THSD7B: variants seen among roughly 807,000 people sequenced by gnomAD.
THSD7B encodes thrombospondin type 1 domain containing 7B.
Under a neutral mutation model 213.6 loss-of-function variants are expected in THSD7B, and 138 were observed. That is an observed-to-expected ratio of 0.65 (90% CI 0.56 to 0.74). The LOEUF (loss-of-function observed/expected upper bound fraction) is 0.74. Ranked by LOEUF, THSD7B falls within the 30% of genes least tolerant of loss-of-function variation. THSD7B has a pLI of 0.00. For missense variants in THSD7B, 1,931 were observed against 1,991.5 expected (o/e 0.97, Z 0.58); for synonymous variants, 742 against 687.0 (o/e 1.08, Z -1.25).
intron 1 of THSD7B, among the ~76,000 whole-genome samples, chr2:136,770,088 G>A (rs1433553143): frequency 6.6e-6 from 1 of 152,208 alleles, no homozygotes; most frequent in Non-Finnish European, 1.5e-5. Flanking sequence ...CTAGTGTTAT[G>A]TTAGCGAACA....
chr2:137,319,591 T>C (rs983780832), intron 12 of THSD7B, among the ~76,000 whole-genome samples: 3 of 152,236 alleles, frequency 2.0e-5, no homozygotes, highest in African/African-American at 4.8e-5. Context: ...TTTTATGAAG[T>C]GCAAAGCACT....
intron 2 of THSD7B, among the ~76,000 whole-genome samples, chr2:136,943,312 G>C (rs1364815814): frequency 6.6e-6 from 1 of 152,186 alleles, no homozygotes. Flanking sequence ...TTGCATCAAT[G>C]TTCATCAGGG....
intron 12 of THSD7B, among the ~76,000 whole-genome samples, chr2:137,360,996 T>G (rs751156912): frequency 1.3e-5 from 2 of 152,054 alleles, no homozygotes; most frequent in Non-Finnish European, 2.9e-5. Context: ...CCCTCTAAGA[T>G]GAAGTTTCCA....
chr2:137,525,311 C>A (rs78725793), intron 15 of THSD7B, among the ~76,000 whole-genome samples: 4,237 of 152,254 alleles, frequency 0.028, 74 homozygotes, highest in Non-Finnish European at 0.045. Flanking sequence ...CTTAGAATCC[C>A]AAGGGAGAAT....
At chr2:136,904,812 A>AGAG (rs1553456920) in intron 2 of THSD7B, among the ~76,000 whole-genome samples, 2 of 151,950 alleles carry the variant, frequency 1.3e-5, no homozygotes, top group South Asian at 2.1e-4. Context: ...AGAATAAAAA[A>AGAG]AGAGAGAGAA....
chr2:137,340,632 G>C (rs1369419515), intron 12 of THSD7B, among the ~76,000 whole-genome samples: 2 of 151,656 alleles, frequency 1.3e-5, no homozygotes, highest in African/African-American at 4.8e-5. Context: ...CTGTTTCTAT[G>C]GGTTCAATTG....
At position 137,572,515 on chromosome 2, in the gene THSD7B, T is replaced by C; in HGVS notation, c.3382T>C (p.Cys1128Arg). ...QSCSLMCPNE[C>R]VMSEWGLWSK... Reference sequence around the variant, plus strand: ...CTGTTCTCTTATGTGTCCCAATGAGTGTGTCATGTCTGAGTGGGGACTTTG... The same window carrying C: ...CTGTTCTCTTATGTGTCCCAATGAGCGTGTCATGTCTGAGTGGGGACTTTG... The change falls in exon 17 of 28, where the codon TGT becomes CGT. Residue 1128 changes from cysteine to arginine, a missense_variant. By Grantham distance (180) the Cys-to-Arg change is radical. Transcript: ENST00000409968. The C allele has an allele frequency of 6.2e-7, 1 of 1,613,830 alleles. No individual in the cohort carries two copies. The highest frequency in any genetic ancestry group is 1.3e-5 in the African/African-American group (1 of 74,988).
rs1044189228 is a variant in THSD7B, at chr2:137,418,675, A to C, written c.2959+6803A>C. The stretch of plus-strand genomic sequence containing the variant: ...AAGTATATATTTGTACCCGTTAATC[A>C]ACCTCTCTTCATCCCTCCTATTTTT... On this transcript the variant is annotated intron_variant, in intron 14 of 27. Coordinates refer to ENST00000409968, the MANE Select transcript of THSD7B (RefSeq NM_001316349.2). Among the ~76,000 whole-genome samples the C allele has an allele frequency of 2.6e-5, 4 of 151,668 alleles. No individual in the cohort carries two copies. The East Asian group carries it at 7.7e-4, about 29-fold the overall frequency.
chr2:136,938,266 A>T (rs950579132), intron 2 of THSD7B, among the ~76,000 whole-genome samples: 2 of 152,158 alleles, frequency 1.3e-5, no homozygotes, highest in African/African-American at 4.8e-5. Context: ...AAGGACAGAA[A>T]ATGAGCCTTG....
chr2:137,352,473 T>C (rs1485974167), intron 12 of THSD7B, among the ~76,000 whole-genome samples: 2 of 151,964 alleles, frequency 1.3e-5, no homozygotes, highest in Non-Finnish European at 2.9e-5. Flanking sequence ...AGTTGGCTCG[T>C]GGGTTAAGCC....
chr2:137,460,470 T>A (rs1381359501), intron 15 of THSD7B, among the ~76,000 whole-genome samples: 1 of 152,148 alleles, frequency 6.6e-6, no homozygotes, highest in Admixed American at 6.6e-5. Flanking sequence ...TTATGCAGAT[T>A]GCTCCTCTTT....
At chr2:137,402,733 A>C (rs1009880428) in intron 12 of THSD7B, among the ~76,000 whole-genome samples, 1 of 150,434 alleles carries the variant, frequency 6.6e-6, no homozygotes, top group East Asian at 2.0e-4. Context: ...TGAGAATTGC[A>C]TGAACCCAGC....
At chr2:136,900,370 A>C (rs1241428768) in intron 2 of THSD7B, among the ~76,000 whole-genome samples, 1 of 152,154 alleles carries the variant, frequency 6.6e-6, no homozygotes, top group South Asian at 2.1e-4. Context: ...TTTACCCTTG[A>C]GATGGCTTTG....
At chr2:137,409,752 G>T (rs1686606051) in intron 13 of THSD7B, among the ~76,000 whole-genome samples, 1 of 152,266 alleles carries the variant, frequency 6.6e-6, no homozygotes, top group African/African-American at 2.4e-5. Context: ...AGAGGTGGGG[G>T]CATGGGGTGA....
intron 12 of THSD7B, among the ~76,000 whole-genome samples, chr2:137,341,119 TA>T (rs1684752239): frequency 6.6e-6 from 1 of 151,582 alleles, no homozygotes; most frequent in Non-Finnish European, 1.5e-5. Flanking sequence ...TGTTATCTTT[TA>T]TTTTTTTGAG....
intron 2 of THSD7B, among the ~76,000 whole-genome samples, chr2:136,901,390 C>T: frequency 6.6e-6 from 1 of 152,284 alleles, no homozygotes; most frequent in Non-Finnish European, 1.5e-5. Context: ...AAACTTTTCA[C>T]CTTTTAAAAA....
At chr2:137,550,446 G>A (rs367730009) in intron 15 of THSD7B, among the ~76,000 whole-genome samples, 39 of 152,142 alleles carry the variant, frequency 2.6e-4, no homozygotes, top group African/African-American at 8.9e-4. Context: ...TCTGCTATAG[G>A]GGGAAATATA....
At chr2:137,256,489 G>A (rs1682312638) in intron 10 of THSD7B, among the ~76,000 whole-genome samples, 1 of 152,176 alleles carries the variant, frequency 6.6e-6, no homozygotes, top group East Asian at 1.9e-4. Flanking sequence ...ACAGAAGCTT[G>A]GCTGTGTGAA....
At chr2:137,645,743 C>G (rs150283744) in intron 21 of THSD7B, among the ~76,000 whole-genome samples, 1 of 151,674 alleles carries the variant, frequency 6.6e-6, no homozygotes, top group East Asian at 1.9e-4. Flanking sequence ...ACTTTCAAAA[C>G]TTTCAAATTT....
Sources: gnomAD v4.1 joint callset for allele counts (sites outside exome capture counted in the v4.1 genomes callset) on GRCh38, gnomAD v4.1.1 for gene constraint, MANE v1.5 for transcripts, NCBI Gene and HGNC (gene_info 2026-07-23, HGNC 2026-07-21) for gene names.